ZDHHC17: variants seen among roughly 807,000 people sequenced by gnomAD.
ZDHHC17 encodes the protein zDHHC palmitoyltransferase 17.
In ZDHHC17, 40 loss-of-function variants were observed where a neutral mutation model predicts 90.3. The ratio of observed to expected loss-of-function variants is 0.44; its 90% CI spans 0.34 to 0.58. The LOEUF is 0.58. Ranked by LOEUF, ZDHHC17 falls within the 20% of genes least tolerant of loss-of-function variation. The pLI is 0.01. For synonymous variants in ZDHHC17, 235 were observed against 252.4 expected, an observed-to-expected ratio of 0.93 and a Z score of 0.65; for missense variants, 614 against 780.8, an observed-to-expected ratio of 0.79 and a Z score of 2.55.
At chr12:76,816,602 T>C (rs1953090367) in intron 7 of ZDHHC17, among the ~76,000 whole-genome samples, 1 of 152,048 alleles carries the variant, frequency 6.6e-6, no homozygotes, top group South Asian at 2.1e-4. Flanking sequence ...CTTAAATTTC[T>C]AAGGGATATG....
chr12:76,846,480 T>G (rs757900858), intron 13 of ZDHHC17, 116 bp from the exon 14 acceptor site: 30 of 686,832 alleles, frequency 4.4e-5, no homozygotes, highest in Non-Finnish European at 7.2e-5. Context: ...AAATAATGAA[T>G]GTATGTGTGA....
chr12:76,846,174 GGA>G, intron 13 of ZDHHC17: 1 of 230,576 alleles, frequency 4.3e-6, no homozygotes, highest in Non-Finnish European at 8.5e-6. Context: ...TATAGTCTAA[GGA>G]GAGAAACTAC....
intron 5 of ZDHHC17, among the ~76,000 whole-genome samples, chr12:76,813,071 T>G (rs1337733284): frequency 6.6e-6 from 1 of 152,064 alleles, no homozygotes; most frequent in Non-Finnish European, 1.5e-5. Flanking sequence ...GTGCCATGAT[T>G]TTACATTTTT....
chr12:76,785,501 C>T (rs1191633420), intron 1 of ZDHHC17, among the ~76,000 whole-genome samples: 2 of 152,124 alleles, frequency 1.3e-5, no homozygotes, highest in African/African-American at 2.4e-5. Flanking sequence ...ATTGTGAGTC[C>T]AGATACTTTT....
chr12:76,832,218 G>A (rs1005857072), intron 10 of ZDHHC17, among the ~76,000 whole-genome samples: 13 of 152,266 alleles, frequency 8.5e-5, no homozygotes, highest in African/African-American at 3.1e-4. Flanking sequence ...ACAGGAAATA[G>A]CCACAAGGCT....
intron 10 of ZDHHC17, among the ~76,000 whole-genome samples, chr12:76,831,240 T>C (rs1953296830): frequency 6.6e-6 from 1 of 152,202 alleles, no homozygotes; most frequent in Non-Finnish European, 1.5e-5. Context: ...GTGCACCTTA[T>C]CATTTCTGAT....
intron 1 of ZDHHC17, among the ~76,000 whole-genome samples, chr12:76,792,404 A>G (rs1416595387): frequency 1.3e-5 from 2 of 152,228 alleles, no homozygotes; most frequent in Non-Finnish European, 1.5e-5. Context: ...ATATAATCCC[A>G]TCAAGGTATG....
At chr12:76,764,440 TTGGGGAGGG>T (rs1952405305) in intron 1 of ZDHHC17, 111 bp downstream of exon 1, 2 of 1,044,868 alleles carry the variant, frequency 1.9e-6, no homozygotes, top group Admixed American at 2.6e-5. Flanking sequence ...CGTGCCGAAG[TTGGGGAGGG>T]TGGGGAGGCG....
In ZDHHC17 at chr12:76,822,396, A is replaced by G. The variant is rs759326325; in HGVS notation, c.772-10A>G. 3 of 1,611,756 alleles carry G rather than the reference A, an allele frequency of 1.9e-6. No individual in the cohort carries two copies. Among genetic ancestry groups the G allele is most frequent in the Non-Finnish European group, 1.7e-6 (2 of 1,178,090 alleles). Reference sequence around the variant, plus strand: ...CTTTTAATAGGAATTTCTTCTGTTTATATTATCAGGGCGAATCAGCGCTTG... The same window carrying G: ...CTTTTAATAGGAATTTCTTCTGTTTGTATTATCAGGGCGAATCAGCGCTTG... On this transcript the variant is annotated splice_polypyrimidine_tract_variant and intron_variant, in intron 7 of 16. Coordinates refer to ENST00000426126, the MANE Select transcript of ZDHHC17 (RefSeq NM_015336.4).
Position 76,777,052 on chromosome 12 carries a change from G to A in ZDHHC17, c.93+12723G>A, listed in dbSNP as rs78246589. 3.2e-3 allele frequency among the ~76,000 whole-genome samples: 488 copies of A among 152,198 alleles called. 1 individual carries two copies. The highest frequency in any genetic ancestry group is 0.011 in the African/African-American group (466 of 41,512). On this transcript the variant is annotated intron_variant, in intron 1 of 16. Coordinates refer to ENST00000426126, the MANE Select transcript of ZDHHC17 (RefSeq NM_015336.4). ...GTGGTAACACCTTGCAAAATTATAG[G>A]ACACTGTAGGATAGGATAGGATAGT...
At chr12:76,837,292 C>T (rs1036502393) in intron 10 of ZDHHC17, among the ~76,000 whole-genome samples, 2 of 152,176 alleles carry the variant, frequency 1.3e-5, no homozygotes, top group East Asian at 3.9e-4. Flanking sequence ...TGTGCCACCA[C>T]ACCTGGCTAT....
intron 1 of ZDHHC17, among the ~76,000 whole-genome samples, chr12:76,773,537 C>T (rs1282521498): frequency 2.0e-5 from 3 of 152,226 alleles, no homozygotes; most frequent in East Asian, 3.9e-4. Flanking sequence ...AGTAGTTCTG[C>T]AAAGTGTATA....
intron 7 of ZDHHC17, among the ~76,000 whole-genome samples, chr12:76,816,500 CT>C (rs1953088871): frequency 6.6e-6 from 1 of 152,042 alleles, no homozygotes; most frequent in Non-Finnish European, 1.5e-5. Context: ...TAAACATCAT[CT>C]TTTAATCATA....
At chr12:76,788,593 C>G (rs1317550024) in intron 1 of ZDHHC17, among the ~76,000 whole-genome samples, 1 of 148,932 alleles carries the variant, frequency 6.7e-6, no homozygotes, top group Non-Finnish European at 1.5e-5. Context: ...AAGCAGATTT[C>G]AGGAGTCAAG....
intron 1 of ZDHHC17, among the ~76,000 whole-genome samples, chr12:76,774,180 G>A (rs1383926795): frequency 6.6e-6 from 1 of 152,174 alleles, no homozygotes; most frequent in East Asian, 1.9e-4. Context: ...AACCCAGGAG[G>A]TTGAGGCTGC....
At chr12:76,800,822 G>C (rs549696065) in intron 2 of ZDHHC17, among the ~76,000 whole-genome samples, 7 of 146,806 alleles carry the variant, frequency 4.8e-5, no homozygotes, top group Non-Finnish European at 9.0e-5. Context: ...GGGTTGGAGA[G>C]TTTAATCCAT....
At chr12:76,810,147 G>A (rs1366789921) in intron 5 of ZDHHC17, among the ~76,000 whole-genome samples, 6 of 151,986 alleles carry the variant, frequency 3.9e-5, no homozygotes, top group Non-Finnish European at 7.4e-5. Flanking sequence ...TTTTCTTTAT[G>A]TATTTTGAAT....
At chr12:76,842,243 T>C in intron 11 of ZDHHC17, 137 bp downstream of exon 11, 1 of 949,134 alleles carries the variant, frequency 1.1e-6, no homozygotes. Context: ...TATGTATCTT[T>C]TATTTGGTGC....
At chr12:76,830,257 T>C (rs976245471) in intron 10 of ZDHHC17, among the ~76,000 whole-genome samples, 1 of 152,240 alleles carries the variant, frequency 6.6e-6, no homozygotes, top group African/African-American at 2.4e-5. Flanking sequence ...TAATACCTGG[T>C]TTTGTTTCAC....
Sources: gnomAD v4.1 joint callset for allele counts (sites outside exome capture counted in the v4.1 genomes callset) on GRCh38, gnomAD v4.1.1 for gene constraint, MANE v1.5 for transcripts, NCBI Gene and HGNC (gene_info 2026-07-23, HGNC 2026-07-21) for gene names.